The following SUSD6 variants were observed in gnomAD, a reference collection of about 807,000 sequenced individuals.
SUSD6 encodes the protein sushi domain containing 6, also known as sushi domain-containing protein 6.
A neutral mutation model predicts 28.4 loss-of-function variants in SUSD6; 16 were observed. The observed-to-expected ratio is 0.56, with a 90% CI of 0.38 to 0.86. The LOEUF is 0.86. SUSD6 is among the 40% of genes least tolerant of loss of function. The pLI, the probability that SUSD6 is intolerant of heterozygous loss-of-function variation, is 0.00. For missense variants in SUSD6, 341 were observed against 384.2 expected, an observed-to-expected ratio of 0.89 and a Z score of 0.94; for synonymous variants, 147 against 159.6, an observed-to-expected ratio of 0.92 and a Z score of 0.59.
intron 2 of SUSD6, among the ~76,000 whole-genome samples, chr14:69,694,420 G>A (rs1886194350): frequency 1.3e-5 from 2 of 152,302 alleles, no homozygotes; most frequent in South Asian, 4.1e-4. Context: ...GTAACTGTTG[G>A]AGCAGTGTGC....
At chr14:69,708,016 G>A (rs1594725547) in intron 4 of SUSD6, among the ~76,000 whole-genome samples, 1 of 152,094 alleles carries the variant, frequency 6.6e-6, no homozygotes, top group East Asian at 1.9e-4. Context: ...TCAGCTAGCT[G>A]TACACAGATT....
intron 1 of SUSD6, among the ~76,000 whole-genome samples, chr14:69,657,787 C>G (rs1885605123): frequency 6.6e-6 from 1 of 152,200 alleles, no homozygotes; most frequent in South Asian, 2.1e-4. Context: ...TACACACACT[C>G]TTTCTCACTC....
At position 69,708,767 on chromosome 14, in the gene SUSD6, C is replaced by T. The variant is rs1193361936; in HGVS notation, c.549C>T (p.Gly183=). 1.9e-6 allele frequency: 3 copies of T among 1,614,154 alleles called. No homozygotes were observed. Among genetic ancestry groups the T allele is most frequent in the Non-Finnish European group, 2.5e-6 (3 of 1,179,986 alleles). ...ALPSYEEAVY[G]SSGHCVPPAD... ...CATCATACGAGGAGGCTGTATATGG[C>T]AGTTCTGGTCACTGTGTGCCACCTG... Residue 183 remains glycine, a synonymous_variant, in exon 5 of 6, where the codon GGC becomes GGT. Transcript: ENST00000342745.
chr14:69,655,558 A>T (rs1281448425), intron 1 of SUSD6, among the ~76,000 whole-genome samples: 14 of 151,964 alleles, frequency 9.2e-5, no homozygotes. Flanking sequence ...GCCCTTTGGG[A>T]GGCTGAGTTA....
chr14:69,644,986 A>G (rs1194599721), intron 1 of SUSD6, among the ~76,000 whole-genome samples: 1 of 152,192 alleles, frequency 6.6e-6, no homozygotes, highest in Non-Finnish European at 1.5e-5. Flanking sequence ...ACAGTGGGCA[A>G]GTTCCTACTT....
At chr14:69,656,148 CTTCCTCCATTCTTCCCTCCCTCCCTA>C (rs1566596566) in intron 1 of SUSD6, among the ~76,000 whole-genome samples, 8 of 147,632 alleles carry the variant, frequency 5.4e-5, no homozygotes, top group Non-Finnish European at 9.0e-5. Flanking sequence ...CTCCCTCCGT[CTTCCTCCATTCTTCCCTCCCTCCCTA>C]TTCCTCCATT....
At chr14:69,617,337 T>C (rs1957365) in intron 1 of SUSD6, 143,313 of 152,268 alleles carry the variant, frequency 0.94, 67,478 homozygotes, top group Admixed American at 0.96. Flanking sequence ...CTCTACTTTG[T>C]GGTTAACATT....
At chr14:69,691,717 A>G (rs1180153096) in intron 2 of SUSD6, among the ~76,000 whole-genome samples, 1 of 152,094 alleles carries the variant, frequency 6.6e-6, no homozygotes, top group Non-Finnish European at 1.5e-5. Context: ...TTTAGTGACA[A>G]CCTTCCTTTC....
chr14:69,678,772 C>T (rs150566592), intron 2 of SUSD6, among the ~76,000 whole-genome samples: 117 of 152,214 alleles, frequency 7.7e-4, no homozygotes, highest in African/African-American at 2.4e-3. Flanking sequence ...CACTGCACTC[C>T]AGCCTGGGCA....
At chr14:69,684,992 G>A (rs1886051348) in intron 2 of SUSD6, among the ~76,000 whole-genome samples, 1 of 152,250 alleles carries the variant, frequency 6.6e-6, no homozygotes, top group African/African-American at 2.4e-5. Context: ...TTAGGGCTGA[G>A]TAGCAGGGTG....
chr14:69,668,395 G>A (rs1435879924), intron 2 of SUSD6, among the ~76,000 whole-genome samples: 1 of 152,164 alleles, frequency 6.6e-6, no homozygotes, highest in Non-Finnish European at 1.5e-5. Flanking sequence ...AGCACTTTGG[G>A]AGGCTGAGGC....
intron 1 of SUSD6, among the ~76,000 whole-genome samples, chr14:69,657,579 G>T (rs975378231): frequency 6.6e-6 from 1 of 151,970 alleles, no homozygotes; most frequent in Admixed American, 6.6e-5. Context: ...GGAGAAGGGG[G>T]TGTGTGTGTG....
intron 2 of SUSD6, among the ~76,000 whole-genome samples, chr14:69,661,545 G>A (rs190889303): frequency 2.0e-5 from 3 of 152,206 alleles, no homozygotes; most frequent in Admixed American, 6.5e-5. Flanking sequence ...TGTACTGGCA[G>A]GGGAAAGGGG....
At chr14:69,670,267 C>T (rs1301677050) in intron 2 of SUSD6, among the ~76,000 whole-genome samples, 2 of 152,200 alleles carry the variant, frequency 1.3e-5, no homozygotes, top group East Asian at 3.8e-4. Flanking sequence ...CTGTGCTCTG[C>T]ACTGGAGGAA....
At position 69,714,214 on chromosome 14, in the gene SUSD6, A is replaced by C. The variant is rs539065004; in HGVS notation, c.*3235A>C. 1 of 152,284 alleles carries C rather than the reference A, an allele frequency of 6.6e-6. No individual in the cohort carries two copies. The highest frequency in any genetic ancestry group is 2.1e-4 in the South Asian group (1 of 4,828). 9.4% of individuals were successfully genotyped at this position (152,284 alleles called of 1,614,324 possible). On this transcript the variant is annotated 3_prime_UTR_variant, in exon 6 of 6. Coordinates refer to ENST00000342745, the MANE Select transcript of SUSD6 (RefSeq NM_014734.4). ...CCTCCCCCTCCTCCCGCCAGCTTTA[A>C]AGTTCAGTGGAGAAGCCAGATGGCA...
chr14:69,629,207 G>T (rs1885159322), intron 1 of SUSD6, among the ~76,000 whole-genome samples: 1 of 151,860 alleles, frequency 6.6e-6, no homozygotes, highest in Non-Finnish European at 1.5e-5. Context: ...AAAACAAGCT[G>T]AAGTGGAAGA....
At chr14:69,619,773 A>G (rs1194281503) in intron 1 of SUSD6, among the ~76,000 whole-genome samples, 1 of 151,030 alleles carries the variant, frequency 6.6e-6, no homozygotes. Context: ...CCCTGTCTCA[A>G]AACAAACAAA....
intron 1 of SUSD6, among the ~76,000 whole-genome samples, chr14:69,655,641 A>G (rs75751166): frequency 7.0e-6 from 1 of 142,508 alleles, no homozygotes; most frequent in Non-Finnish European, 1.5e-5. Flanking sequence ...TCTTTAAAAG[A>G]AAAAAAAAAA....
chr14:69,662,206 C>G (rs540447515), intron 2 of SUSD6, among the ~76,000 whole-genome samples: 63 of 152,286 alleles, frequency 4.1e-4, no homozygotes, highest in Admixed American at 1.4e-3. Context: ...TAGACCCTGG[C>G]TATATGCGTG....
Sources: allele counts gnomAD v4.1 joint callset (sites outside exome capture counted in the v4.1 genomes callset), GRCh38; gene constraint gnomAD v4.1.1; transcripts MANE v1.5; gene names NCBI Gene and HGNC (gene_info 2026-07-23, HGNC 2026-07-21).